The following WSCD1 variants were observed in gnomAD, a reference collection of about 807,000 sequenced individuals.
WSCD1 encodes sialate:O-sulfotransferase 1.
Under a neutral mutation model 60.4 loss-of-function variants are expected in WSCD1, and 41 were observed. The observed-to-expected ratio is 0.68, with a 90% CI of 0.53 to 0.88. WSCD1 has a LOEUF of 0.88. Among genes scored for constraint, WSCD1 ranks in the 40% least tolerant of loss-of-function variants. The pLI is 0.00. For synonymous variants in WSCD1, 361 were observed against 332.5 expected (o/e 1.09, Z -0.93); for missense variants, 784 against 796.2 (o/e 0.98, Z 0.18).
At chr17:6,100,147 G>A (rs1910714043) in intron 5 of WSCD1, among the ~76,000 whole-genome samples, 1 of 152,190 alleles carries the variant, frequency 6.6e-6, no homozygotes. Flanking sequence ...CCACAGGGTT[G>A]GAATCCACAA....
intron 2 of WSCD1, among the ~76,000 whole-genome samples, chr17:6,087,394 A>G (rs1909725118): frequency 6.6e-6 from 1 of 152,232 alleles, no homozygotes; most frequent in African/African-American, 2.4e-5. Flanking sequence ...TGTTTCCCAC[A>G]CAGGACACTT....
At chr17:6,096,630 G>A (rs1456334508) in intron 5 of WSCD1, among the ~76,000 whole-genome samples, 1 of 152,248 alleles carries the variant, frequency 6.6e-6, no homozygotes, top group Admixed American at 6.5e-5. Context: ...CAAAAAGGCA[G>A]TTTGTTGATT....
intron 5 of WSCD1, 94 bp downstream of exon 5, chr17:6,095,317 C>T: frequency 1.4e-6 from 2 of 1,445,114 alleles, no homozygotes; most frequent in East Asian, 2.7e-5. Flanking sequence ...CGGGTGTCCC[C>T]TCTGGCAGTC....
chr17:6,106,044 A>G lies in WSCD1; in HGVS notation c.850-3563A>G, dbSNP rs149186830. Among the ~76,000 whole-genome samples, 3 of 152,310 alleles carry G rather than the reference A, an allele frequency of 2.0e-5. No homozygotes were observed. The East Asian group carries it at 5.8e-4, about 29-fold the overall frequency. ...TGCTTCTTCATTCATTCACTCATTCATTCATTTCTTCATTCATCAAACATT... is the reference window on the plus strand; with the variant it reads ...TGCTTCTTCATTCATTCACTCATTCGTTCATTTCTTCATTCATCAAACATT... On this transcript the variant is annotated intron_variant, in intron 5 of 8. Transcript: ENST00000317744.
chr17:6,079,907 A>G (rs1909115074), intron 1 of WSCD1, among the ~76,000 whole-genome samples: 1 of 152,220 alleles, frequency 6.6e-6, no homozygotes, highest in African/African-American at 2.4e-5. Context: ...GGCTTGGGAA[A>G]AACTAGCTAA....
At chr17:6,104,911 C>A (rs905810176) in intron 5 of WSCD1, among the ~76,000 whole-genome samples, 1 of 152,214 alleles carries the variant, frequency 6.6e-6, no homozygotes, top group Non-Finnish European at 1.5e-5. Context: ...TCAGTTTCCC[C>A]TTCTGTGATC....
rs779757661 is a variant in WSCD1, at chr17:6,088,071, C to G, written c.509C>G (p.Thr170Ser). Reference protein sequence around the residue: ...GAVFYDLRKMTVSHCQDACAE... With the variant: ...GAVFYDLRKMSVSHCQDACAE... ...GTGTTTTATGACTTGAGAAAGATGA[C>G]TGTCTCCCACTGCCAGGATGCGTGT... Residue 170 changes from threonine to serine, a missense_variant, in exon 3 of 9, where the codon ACT becomes AGT. Coordinates refer to ENST00000317744, the MANE Select transcript of WSCD1 (RefSeq NM_015253.2). The G allele has an allele frequency of 6.2e-7, 1 of 1,614,212 alleles. No homozygotes were observed. The highest frequency in any genetic ancestry group is 8.5e-7 in the Non-Finnish European group (1 of 1,180,030).
chr17:6,093,043 C>G (rs1910161221), intron 4 of WSCD1, among the ~76,000 whole-genome samples: 1 of 152,230 alleles, frequency 6.6e-6, no homozygotes, highest in African/African-American at 2.4e-5. Flanking sequence ...AGGAGTAAGA[C>G]CCATGAATTT....
At chr17:6,103,033 CTGG>C (rs1217224919) in intron 5 of WSCD1, among the ~76,000 whole-genome samples, 1 of 152,158 alleles carries the variant, frequency 6.6e-6, no homozygotes, top group Non-Finnish European at 1.5e-5. Flanking sequence ...CCTTCTGAAG[CTGG>C]TAAAAGGGCT....
chr17:6,074,181 A>C (rs1908708902), intron 1 of WSCD1, among the ~76,000 whole-genome samples: 1 of 152,198 alleles, frequency 6.6e-6, no homozygotes, highest in Admixed American at 6.5e-5. Context: ...CCCTTTTAGC[A>C]ACATATTAAA....
At chr17:6,116,599 C>G (rs542858942) in intron 7 of WSCD1, among the ~76,000 whole-genome samples, 35 of 152,324 alleles carry the variant, frequency 2.3e-4, no homozygotes, top group African/African-American at 8.4e-4. Context: ...TCCAGTTTGA[C>G]TCTTCCTTTC....
chr17:6,108,413 G>A (rs1268008169), intron 5 of WSCD1, among the ~76,000 whole-genome samples: 2 of 152,134 alleles, frequency 1.3e-5, no homozygotes, highest in Admixed American at 1.3e-4. Flanking sequence ...CGCTCCAAAA[G>A]TCCTAGCATC....
chr17:6,087,174 G>A (rs751286592), intron 2 of WSCD1, among the ~76,000 whole-genome samples: 12 of 152,192 alleles, frequency 7.9e-5, no homozygotes, highest in Non-Finnish European at 1.5e-4. Flanking sequence ...GCCTACCCGC[G>A]TTTGCATCAG....
At chr17:6,106,535 A>G (rs1201508297) in intron 5 of WSCD1, among the ~76,000 whole-genome samples, 2 of 152,238 alleles carry the variant, frequency 1.3e-5, no homozygotes, top group East Asian at 3.8e-4. Context: ...TTCTATTTAT[A>G]TGACATTCCA....
chr17:6,070,084 G>C (rs1427352254), upstream of WSCD1, among the ~76,000 whole-genome samples: 2 of 151,378 alleles, frequency 1.3e-5, no homozygotes, highest in Non-Finnish European at 2.9e-5. Flanking sequence ...CTGTGTCTGG[G>C]TGTGAGCGTC....
At position 6,123,632 on chromosome 17, in the gene WSCD1, A is replaced by G. The variant is rs1051229003; in HGVS notation, c.*2971A>G. ...TGAGGTTGATGTTACGACTGCAAGA[A>G]TTCTTGGGACACAGGTTTGTTTTCT... On this transcript the variant is annotated 3_prime_UTR_variant, in exon 9 of 9. Coordinates refer to ENST00000317744, the MANE Select transcript of WSCD1 (RefSeq NM_015253.2). 1.3e-5 allele frequency: 2 copies of G among 152,240 alleles called. No individual in the cohort carries two copies. The highest frequency in any genetic ancestry group is 4.8e-5 in the African/African-American group (2 of 41,460). 9.4% of individuals were successfully genotyped at this position (152,240 alleles called of 1,614,324 possible). A position where few individuals can be genotyped will look rare whatever the true frequency, so the allele number is the denominator to read the frequency against.
Position 6,075,041 on chromosome 17 carries a change from A to G in WSCD1, c.-289+4389A>G, listed in dbSNP as rs1597348185. On this transcript the variant is annotated intron_variant, in intron 1 of 8. Transcript: ENST00000317744. The surrounding 1 kb of genome is among the most constrained non-coding windows in gnomAD (Gnocchi z 4.1). Reference sequence around the variant, plus strand: ...ACTCTGCCCGGGTCCTGAAGCTGAGACCCCCTGGCTGCCAGTCACTGAGGC... The same window carrying G: ...ACTCTGCCCGGGTCCTGAAGCTGAGGCCCCCTGGCTGCCAGTCACTGAGGC... 6.6e-6 allele frequency among the ~76,000 whole-genome samples: 1 copy of G among 151,684 alleles called. No homozygotes were observed. The highest frequency in any genetic ancestry group is 1.5e-5 in the Non-Finnish European group (1 of 67,932).
chr17:6,078,779 A>G (rs919106340), intron 1 of WSCD1, among the ~76,000 whole-genome samples: 4 of 152,070 alleles, frequency 2.6e-5, no homozygotes, highest in Admixed American at 1.3e-4. Context: ...TCAGATGTGC[A>G]TGTTAGGAGG....
chr17:6,071,742 CG>C (rs1908557099), intron 1 of WSCD1, among the ~76,000 whole-genome samples: 1 of 152,184 alleles, frequency 6.6e-6, no homozygotes, highest in African/African-American at 2.4e-5. Context: ...GCTTGCCCTG[CG>C]CTGTTTGCAA....
Sources: gnomAD v4.1 joint callset for allele counts (sites outside exome capture counted in the v4.1 genomes callset) on GRCh38, gnomAD v4.1.1 for gene constraint, Gnocchi (gnomAD v3.1) non-coding constraint, MANE v1.5 for transcripts, NCBI Gene and HGNC (gene_info 2026-07-23, HGNC 2026-07-21) for gene names.